The following MCC variants were observed in gnomAD, a reference collection of about 807,000 sequenced individuals.
MCC encodes MCC regulator of Wnt signaling pathway, also known as colorectal mutant cancer protein.
Under a neutral mutation model 116.2 loss-of-function variants are expected in MCC, and 90 were observed. That is an observed-to-expected ratio of 0.77 (90% confidence interval 0.65 to 0.92). The LOEUF is 0.92. Among genes scored for constraint, MCC ranks in the 40% least tolerant of loss-of-function variants. The pLI is 0.00. For missense variants in MCC, 1,516 were observed against 1,312.2 expected, an observed-to-expected ratio of 1.16 and a Z score of -2.40; for synonymous variants, 578 against 510.5, an observed-to-expected ratio of 1.13 and a Z score of -1.78.
Position 113,101,884 on chromosome 5 carries a change from C to A in MCC, c.1253G>T (p.Arg418Met). The stretch of plus-strand genomic sequence containing the variant: ...AGCCAGCTCCTTCTCCCACCGAGAC[C>A]TCTCTTCAGCCAGGTTGGGATACAG... ...RDLYPNLAEERSRWEKELAGL... is the reference protein window; with the variant it reads ...RDLYPNLAEEMSRWEKELAGL... Residue 418 changes from arginine (R) to methionine (M), a missense_variant, in exon 8 of 19, where the codon AGG becomes ATG. Physicochemically the swap from Arg to Met is moderately conservative, Grantham distance 91. Transcript: ENST00000408903. 1 of 1,614,038 alleles carries A rather than the reference C, an allele frequency of 6.2e-7. No individual in the cohort carries two copies. Among genetic ancestry groups the A allele is most frequent in the Admixed American group, 1.7e-5 (1 of 60,014 alleles).
chr5:113,158,584 A>G (rs938585534), intron 3 of MCC, among the ~76,000 whole-genome samples: 3 of 152,214 alleles, frequency 2.0e-5, no homozygotes, highest in African/African-American at 7.2e-5. Flanking sequence ...TATTGGTATC[A>G]GGGGCTTGGG....
chr5:113,054,522 C>T (rs918247046), intron 14 of MCC, among the ~76,000 whole-genome samples: 2 of 152,268 alleles, frequency 1.3e-5, no homozygotes, highest in African/African-American at 4.8e-5. Flanking sequence ...CGCACGTGTA[C>T]GCAGGTGTCC....
At chr5:113,329,694 C>T (rs1343438448) in intron 3 of MCC, among the ~76,000 whole-genome samples, 10 of 152,178 alleles carry the variant, frequency 6.6e-5, no homozygotes, top group Admixed American at 6.5e-4. Flanking sequence ...AAATAATCTA[C>T]TGGCATACTT....
chr5:113,259,173 TAGAA>T (rs1158607541), intron 3 of MCC, among the ~76,000 whole-genome samples: 1 of 152,204 alleles, frequency 6.6e-6, no homozygotes, highest in East Asian at 1.9e-4. Flanking sequence ...TCCCTTCTCT[TAGAA>T]AGGTACTTCT....
At chr5:113,376,517 A>C (rs760581077) in intron 2 of MCC, among the ~76,000 whole-genome samples, 5 of 151,812 alleles carry the variant, frequency 3.3e-5, no homozygotes, top group Non-Finnish European at 7.4e-5. Context: ...TTCAGTTAGA[A>C]ACTTACAATT....
At chr5:113,284,334 G>T (rs1475373213) in intron 3 of MCC, among the ~76,000 whole-genome samples, 3 of 152,338 alleles carry the variant, frequency 2.0e-5, no homozygotes, top group African/African-American at 7.2e-5. Flanking sequence ...GAATTCTACT[G>T]CAGGGGTGGC....
intron 5 of MCC, among the ~76,000 whole-genome samples, chr5:113,138,515 A>C (rs1293488672): frequency 6.6e-6 from 1 of 152,200 alleles, no homozygotes; most frequent in East Asian, 1.9e-4. Context: ...GAAGGTGGCC[A>C]TCTGCAAGCC....
intron 11 of MCC, among the ~76,000 whole-genome samples, chr5:113,075,521 G>T (rs867223356): frequency 6.6e-6 from 1 of 152,246 alleles, no homozygotes; most frequent in Non-Finnish European, 1.5e-5. Context: ...GGGTCTTGGA[G>T]AACTTTTAAG....
At chr5:113,271,048 T>C (rs17135531) in intron 3 of MCC, among the ~76,000 whole-genome samples, 18,883 of 152,164 alleles carry the variant, frequency 0.12, 1,910 homozygotes, top group Admixed American at 0.26. Flanking sequence ...AACCACGCCA[T>C]TGATTACAGC....
rs188231539 is a variant in MCC at position 113,173,684 on chromosome 5, T to C, written c.628-22262A>G. The stretch of plus-strand genomic sequence containing the variant: ...GCAGAGGCTCTCTTTAACCTAGACA[T>C]AAATTCCTTGAGGACAAACTTTATT... On this transcript the variant is annotated intron_variant, in intron 3 of 18. Coordinates refer to ENST00000408903, the MANE Select transcript of MCC (RefSeq NM_001085377.2). Among the ~76,000 whole-genome samples, 643 of 152,328 alleles carry C rather than the reference T, an allele frequency of 4.2e-3. 2 individuals are homozygous for C. The highest frequency in any genetic ancestry group is 0.01 in the Middle Eastern group (3 of 294).
chr5:113,195,698 C>T (rs1762371785), intron 3 of MCC, among the ~76,000 whole-genome samples: 1 of 152,170 alleles, frequency 6.6e-6, no homozygotes, highest in African/African-American at 2.4e-5. Context: ...GTCAGTAAGC[C>T]ATCTCTGGCT....
At chr5:113,471,589 G>A (rs1461380362) in intron 1 of MCC, among the ~76,000 whole-genome samples, 9 of 152,098 alleles carry the variant, frequency 5.9e-5, no homozygotes, top group African/African-American at 1.7e-4. Flanking sequence ...ACTGGGGGGT[G>A]CCTCCCAGTT....
At chr5:113,149,585 C>T (rs962783336) in intron 4 of MCC, among the ~76,000 whole-genome samples, 1 of 152,066 alleles carries the variant, frequency 6.6e-6, no homozygotes, top group East Asian at 1.9e-4. Flanking sequence ...TTTCCCTCTA[C>T]TCAAGCAGTC....
chr5:113,462,581 CAATGTGAGAA>C, intron 1 of MCC, among the ~76,000 whole-genome samples: 1 of 152,140 alleles, frequency 6.6e-6, no homozygotes, highest in East Asian at 1.9e-4. Flanking sequence ...CAGATTCCGA[CAATGTGAGAA>C]AAACCCCAAC....
rs377509002 is a variant in MCC, at chr5:113,143,378, G to C, written c.742-18C>G. 5 of 1,613,114 alleles carry C rather than the reference G, an allele frequency of 3.1e-6. No individual in the cohort carries two copies. In the African/African-American group the frequency reaches 5.3e-5, roughly 17 times the overall value. On this transcript the variant is annotated intron_variant, in intron 4 of 18. Transcript: ENST00000408903. ...TGCTCGCACTGGGAATAAGGGAAAAGGACAGAAGTGCTGATGAATTCATGC... is the reference window on the plus strand; with the variant it reads ...TGCTCGCACTGGGAATAAGGGAAAACGACAGAAGTGCTGATGAATTCATGC...
At chr5:113,226,270 C>A (rs1280350761) in intron 3 of MCC, among the ~76,000 whole-genome samples, 1 of 152,204 alleles carries the variant, frequency 6.6e-6, no homozygotes, top group Non-Finnish European at 1.5e-5. Flanking sequence ...TTATTCTATT[C>A]CATGGAATGG....
At chr5:113,266,526 A>G (rs143703211) in intron 3 of MCC, among the ~76,000 whole-genome samples, 3 of 152,328 alleles carry the variant, frequency 2.0e-5, no homozygotes, top group Non-Finnish European at 4.4e-5. Context: ...AAGATGGGAT[A>G]GCACTACTCC....
At chr5:113,272,209 T>C (rs1184510038) in intron 3 of MCC, among the ~76,000 whole-genome samples, 1 of 152,192 alleles carries the variant, frequency 6.6e-6, no homozygotes, top group Non-Finnish European at 1.5e-5. Context: ...GTTATTTAAC[T>C]TCTCTGTCTC....
At chr5:113,339,411 G>GTA (rs1767953210) in intron 3 of MCC, among the ~76,000 whole-genome samples, 1 of 115,682 alleles carries the variant, frequency 8.6e-6, no homozygotes, top group Non-Finnish European at 1.7e-5. Flanking sequence ...CTTCCTTAGT[G>GTA]TGTGTGTGTG....
Sources: gnomAD v4.1 joint callset for allele counts (sites outside exome capture counted in the v4.1 genomes callset) on GRCh38, gnomAD v4.1.1 for gene constraint, MANE v1.5 for transcripts, NCBI Gene and HGNC (gene_info 2026-07-23, HGNC 2026-07-21) for gene names.